OTC: variants seen among roughly 807,000 people sequenced by gnomAD.
OTC encodes ornithine transcarbamylase.
Under a neutral mutation model 30.3 loss-of-function variants are expected in OTC, and 3 were observed. That is an observed-to-expected ratio of 0.10 (90% CI 0.05 to 0.26). OTC has a LOEUF of 0.26. OTC is among the 10% of genes least tolerant of loss of function. The pLI is 1.00. For synonymous variants in OTC, 111 were observed against 99.7 expected, an observed-to-expected ratio of 1.11 and a Z score of -0.67; for missense variants, 194 against 260.3, an observed-to-expected ratio of 0.75 and a Z score of 1.75.
intron 5 of OTC, among the ~76,000 whole-genome samples, chrX:38,402,510 A>T (rs1301514513): frequency 8.9e-6 from 1 of 112,409 alleles, no homozygotes; most frequent in Non-Finnish European, 1.9e-5. Flanking sequence ...TGATCTCCAA[A>T]TTGCTTAGCC....
intron 1 of OTC, among the ~76,000 whole-genome samples, chrX:38,361,517 C>G (rs1602012524): frequency 9.0e-6 from 1 of 111,575 alleles, no homozygotes; most frequent in East Asian, 2.8e-4. Flanking sequence ...GGAAGTAACA[C>G]CAGCAAAACA....
the OTC span, among the ~76,000 whole-genome samples, chrX:38,342,097 G>A: frequency 2.0e-5 from 2 of 97,810 alleles, no homozygotes; most frequent in African/African-American, 7.7e-5. Flanking sequence ...TCGGCTCACT[G>A]CAACCTCCGC....
intron 1 of OTC, among the ~76,000 whole-genome samples, chrX:38,357,373 T>A (rs1404153741): frequency 8.9e-6 from 1 of 112,727 alleles, no homozygotes; most frequent in Non-Finnish European, 1.9e-5. Flanking sequence ...AAAAAAAACA[T>A]ACACAAGAAA....
At chrX:38,346,580 A>AT in the OTC span, among the ~76,000 whole-genome samples, 2 of 112,591 alleles carry the variant, frequency 1.8e-5, no homozygotes, top group African/African-American at 6.5e-5. Flanking sequence ...GAATGGATAA[A>AT]TAAACTGTGA....
intron 9 of OTC, among the ~76,000 whole-genome samples, chrX:38,419,943 A>G (rs772598096): frequency 1.6e-3 from 177 of 111,181 alleles, no homozygotes; most frequent in African/African-American, 5.4e-3. Flanking sequence ...GAGATCTATT[A>G]TACAGCAGAA....
intron 1 of OTC, among the ~76,000 whole-genome samples, chrX:38,355,329 G>T (rs1186681175): frequency 9.0e-6 from 1 of 111,577 alleles, no homozygotes; most frequent in Non-Finnish European, 1.9e-5. Flanking sequence ...GCTGTGTTTG[G>T]ATAATAGAGA....
the OTC span, among the ~76,000 whole-genome samples, chrX:38,337,636 T>A: frequency 8.9e-6 from 1 of 112,158 alleles, no homozygotes; most frequent in African/African-American, 3.2e-5. Flanking sequence ...GGATTCGGTA[T>A]AGATGCTCGA....
At chrX:38,388,439 C>A (rs1477233836) in intron 4 of OTC, among the ~76,000 whole-genome samples, 1 of 103,270 alleles carries the variant, frequency 9.7e-6, no homozygotes, top group Non-Finnish European at 2.0e-5. Flanking sequence ...ACTGGATATT[C>A]TTTTTTTTTT....
the OTC span, among the ~76,000 whole-genome samples, chrX:38,332,991 G>A: frequency 2.7e-5 from 3 of 111,053 alleles, no homozygotes; most frequent in East Asian, 8.5e-4. Context: ...GCTGAGGCGG[G>A]TGGATAGAGG....
chrX:38,336,751 A>G, the OTC span, among the ~76,000 whole-genome samples: 22 of 110,543 alleles, frequency 2.0e-4, no homozygotes, highest in African/African-American at 6.9e-4. Context: ...GGGTGGGAAG[A>G]AAGAATATTG....
intron 1 of OTC, among the ~76,000 whole-genome samples, chrX:38,361,291 C>A (rs2068270368): frequency 1.1e-5 from 1 of 94,407 alleles, no homozygotes; most frequent in Non-Finnish European, 2.2e-5. Context: ...GGCGACAGAG[C>A]GAGACTCCGT....
chrX:38,378,733 C>T (rs2068361816), intron 3 of OTC, among the ~76,000 whole-genome samples: 1 of 112,139 alleles, frequency 8.9e-6, no homozygotes, highest in Admixed American at 9.5e-5. Context: ...GTGCCATCCA[C>T]CTAAAATTTG....
chrX:38,387,165 A>G (rs919727716), intron 4 of OTC, among the ~76,000 whole-genome samples: 4 of 111,291 alleles, frequency 3.6e-5, no homozygotes, highest in African/African-American at 1.3e-4. Context: ...TTTTGCTGTT[A>G]AATTGTAGGC....
At chrX:38,396,237 C>T (rs1363806620) in intron 4 of OTC, among the ~76,000 whole-genome samples, 1 of 109,637 alleles carries the variant, frequency 9.1e-6, no homozygotes, top group African/African-American at 3.3e-5. Flanking sequence ...GCTGGGATTA[C>T]AGGCATGAGC....
intron 4 of OTC, among the ~76,000 whole-genome samples, chrX:38,382,772 T>C (rs758651142): frequency 8.9e-6 from 1 of 112,331 alleles, no homozygotes; most frequent in South Asian, 3.7e-4. Flanking sequence ...GTGAGGATCC[T>C]CTATATAGGA....
At position 38,411,951 on chromosome X, in the gene OTC, T is replaced by C. The variant is rs748625477; in HGVS notation, c.957T>C (p.Pro319=). Residue 319 remains proline (P), a synonymous_variant, in exon 9 of 10, where the codon CCT becomes CCC. Coordinates refer to ENST00000039007, the MANE Select transcript of OTC (RefSeq NM_000531.6). ...EEVDDEVFYS[P]RSLVFPEAEN... Reference sequence around the variant, plus strand: ...TGGATGATGAAGTCTTTTATTCTCCTCGATCACTAGTGTTCCCAGAGGCAG... The same window carrying C: ...TGGATGATGAAGTCTTTTATTCTCCCCGATCACTAGTGTTCCCAGAGGCAG... 1.7e-6 allele frequency: 2 copies of C among 1,207,710 alleles called. No homozygotes were observed. Among genetic ancestry groups the C allele is most frequent in the Non-Finnish European group, 2.2e-6 (2 of 893,017 alleles).
At chrX:38,405,373 G>A (rs1443852207) in intron 6 of OTC, among the ~76,000 whole-genome samples, 1 of 111,654 alleles carries the variant, frequency 9.0e-6, no homozygotes, top group Admixed American at 9.5e-5. Flanking sequence ...TCCCTCGGAA[G>A]CCTCTCAGGG....
chrX:38,398,291 C>T (rs774420226), intron 4 of OTC, among the ~76,000 whole-genome samples: 1 of 111,815 alleles, frequency 8.9e-6, no homozygotes, highest in Non-Finnish European at 1.9e-5. Flanking sequence ...TTTAAAAGGC[C>T]TTGATTTCTT....
At chrX:38,376,794 A>G (rs2068350516) in intron 3 of OTC, among the ~76,000 whole-genome samples, 1 of 112,463 alleles carries the variant, frequency 8.9e-6, no homozygotes, top group Non-Finnish European at 1.9e-5. Flanking sequence ...TATAACAACA[A>G]TAAATATATA....
Sources: allele counts gnomAD v4.1 joint callset (sites outside exome capture counted in the v4.1 genomes callset), GRCh38; gene constraint gnomAD v4.1.1; transcripts MANE v1.5; gene names NCBI Gene and HGNC (gene_info 2026-07-23, HGNC 2026-07-21).